The following POTEH variants were observed in gnomAD, a reference collection of about 807,000 sequenced individuals.
POTEH encodes the protein POTE ankyrin domain family member H, also known as ANKRD26-like family C member 3.
In POTEH, 6 loss-of-function variants were observed where a neutral mutation model predicts 41.7. The ratio of observed to expected loss-of-function variants is 0.14; its 90% confidence interval spans 0.08 to 0.28. The LOEUF is 0.28. Ranked by LOEUF, POTEH falls within the 10% of genes least tolerant of loss-of-function variation. POTEH has a pLI of 1.00. For missense variants in POTEH, 115 were observed against 533.5 expected, an observed-to-expected ratio of 0.22 and a Z score of 7.73; for synonymous variants, 38 against 179.9, an observed-to-expected ratio of 0.21 and a Z score of 6.31.
intron 1 of POTEH, among the ~76,000 whole-genome samples, chr22:15,691,551 C>CTCACTTTTTTTTTTTTT: frequency 7.5e-6 from 1 of 133,236 alleles, no homozygotes; most frequent in African/African-American, 2.6e-5. Flanking sequence ...AAAAAGTGAG[C>CTCACTTTTTTTTTTTTT]TTTTTCTATT....
intron 9 of POTEH, among the ~76,000 whole-genome samples, chr22:15,718,712 T>A (rs1470353507): frequency 6.6e-6 from 1 of 151,448 alleles, no homozygotes; most frequent in East Asian, 1.9e-4. Context: ...TTTGACTTCC[T>A]CTTTTCCAAT....
At chr22:15,692,032 G>T (rs1276540455) in intron 1 of POTEH, among the ~76,000 whole-genome samples, 1 of 133,278 alleles carries the variant, frequency 7.5e-6, no homozygotes, top group East Asian at 2.1e-4. Flanking sequence ...TTTTGATGGA[G>T]TCTCACTCTG....
chr22:15,712,910 G>A (rs2186500), intron 9 of POTEH, among the ~76,000 whole-genome samples: 79,459 of 144,664 alleles, frequency 0.55, 24,034 homozygotes, highest in East Asian at 0.76. Context: ...CAGCTTATGT[G>A]ATCTAGAAAT....
rs1300269054 is a variant in POTEH, at chr22:15,717,019, CT to C, written c.1521-2638del. Among the ~76,000 whole-genome samples, 4 of 56,968 alleles carry C rather than the reference CT, an allele frequency of 7.0e-5. 1 individual carries two copies. The highest frequency in any genetic ancestry group is 2.1e-4 in the African/African-American group (4 of 18,902). The allele number at this position is 56,968 out of a possible 152,430, so 37.4% of individuals were successfully genotyped here. A position where few individuals can be genotyped will look rare whatever the true frequency, so the allele number is the denominator to read the frequency against. ...GCATAACTGTGAATCAATTAATCCT[CT>C]TTCCTTTATGAATTATCCAGTCTCA... is the stretch of plus-strand genomic sequence containing the variant. On this transcript the variant is annotated intron_variant, in intron 9 of 10. Transcript: ENST00000343518.
chr22:15,706,577 CCTTGT>C (rs1462736024), intron 6 of POTEH, among the ~76,000 whole-genome samples: 2 of 148,970 alleles, frequency 1.3e-5, no homozygotes, highest in Admixed American at 1.4e-4. Flanking sequence ...TTATCAGTCA[CCTTGT>C]CTTAATGAAT....
chr22:15,721,082 CTTTA>C (rs1990012560), intron 10 of POTEH, among the ~76,000 whole-genome samples, 200 bp from the exon 11 acceptor site: 2 of 151,818 alleles, frequency 1.3e-5, no homozygotes, highest in African/African-American at 2.4e-5. Flanking sequence ...AAGTTTAAAT[CTTTA>C]TTTAAAGACT....
intron 9 of POTEH, among the ~76,000 whole-genome samples, chr22:15,711,656 CAG>C (rs1385370317): frequency 7.3e-5 from 11 of 151,676 alleles, no homozygotes; most frequent in African/African-American, 2.7e-4. Flanking sequence ...CACACACACA[CAG>C]ATATATAACG....
At chr22:15,708,513 C>CAAAAAA (rs1165699401) in intron 7 of POTEH, among the ~76,000 whole-genome samples, 2 of 7,240 alleles carry the variant, frequency 2.8e-4, no homozygotes, top group African/African-American at 1.8e-3. Context: ...GACTCTGTGT[C>CAAAAAA]AAAAAAAAAA....
rs796452459 is a variant in POTEH at position 15,691,948 on chromosome 22, A to G, written c.632+1239A>G. ...AAATATACAAAAAGAGAAACATACC[A>G]GAAGAAAACACAAGTGCCTATTTAC... On this transcript the variant is annotated intron_variant, in intron 1 of 10. Transcript: ENST00000343518. Among the ~76,000 whole-genome samples the G allele has an allele frequency of 8.2e-5, 12 of 146,444 alleles. No individual in the cohort carries two copies. The South Asian group carries it at 2.6e-3, about 32-fold the overall frequency.
At chr22:15,702,081 TAAAG>T (rs1224992721) in intron 5 of POTEH, among the ~76,000 whole-genome samples, 1 of 148,746 alleles carries the variant, frequency 6.7e-6, no homozygotes, top group Admixed American at 6.7e-5. Flanking sequence ...ATATAAGCCA[TAAAG>T]AGTAGGACAA....
intron 6 of POTEH, among the ~76,000 whole-genome samples, chr22:15,705,353 C>CTTTTTTTTTTTTTTTTTTTTTTGTTTTTT (rs1989644040): frequency 7.0e-5 from 1 of 14,298 alleles, no homozygotes; most frequent in Admixed American, 9.6e-4. Flanking sequence ...ATATGTTGGC[C>CTTTTTTTTTTTTTTTTTTTTTTGTTTTTT]TTTTTTTTTT....
chr22:15,708,513 CAAAAA>C (rs1165699401), intron 7 of POTEH, among the ~76,000 whole-genome samples: 552 of 6,306 alleles, frequency 0.088, 2 homozygotes, highest in Non-Finnish European at 0.11. Flanking sequence ...GACTCTGTGT[CAAAAA>C]AAAAAAAAAA....
chr22:15,690,322 C>A lies in POTEH; in HGVS notation c.245C>A (p.Thr82Asn), dbSNP rs1417271235. The change falls in exon 1 of 11, where the codon ACT becomes AAT. Residue 82 changes from threonine (T) to asparagine (N), a missense_variant. Transcript: ENST00000343518. ...GGGAGCGGCAAGAGCAACGTGGGCACTTCTGGAGACCACGACGATTCTGCT... is the reference window on the plus strand; with the variant it reads ...GGGAGCGGCAAGAGCAACGTGGGCAATTCTGGAGACCACGACGATTCTGCT... ...CRGSGKSNVG[T>N]SGDHDDSAMK... is the part of the protein sequence containing the mutation. 7.1e-7 allele frequency: 1 copy of A among 1,413,996 alleles called. No individual in the cohort carries two copies. Among genetic ancestry groups the A allele is most frequent in the Non-Finnish European group, 9.8e-7 (1 of 1,023,148 alleles). The allele number at this position is 1,413,996 out of a possible 1,614,324, so 87.6% of individuals were successfully genotyped here.
At chr22:15,691,483 G>A (rs1489416026) in intron 1 of POTEH, among the ~76,000 whole-genome samples, 5 of 114,462 alleles carry the variant, frequency 4.4e-5, no homozygotes, top group South Asian at 2.7e-4. Context: ...CCGAGATCAC[G>A]CCACTGTAGT....
intron 1 of POTEH, among the ~76,000 whole-genome samples, chr22:15,691,727 A>T (rs1249349714): frequency 7.5e-5 from 11 of 146,840 alleles, no homozygotes; most frequent in African/African-American, 2.7e-4. Flanking sequence ...CAAATTGTTT[A>T]CTAACAGCTG....
At chr22:15,717,661 T>G (rs1432591287) in intron 9 of POTEH, among the ~76,000 whole-genome samples, 2 of 120,512 alleles carry the variant, frequency 1.7e-5, no homozygotes, top group Non-Finnish European at 3.6e-5. Context: ...TTTTTTCCTG[T>G]TGATTTGTTT....
chr22:15,717,459 G>GT lies in POTEH; in HGVS notation c.1521-2192dup, dbSNP rs939838592. Among the ~76,000 whole-genome samples, 259 of 90,774 alleles carry GT rather than the reference G, an allele frequency of 2.9e-3. 84 individuals are homozygous for GT. Among genetic ancestry groups the GT allele is most frequent in the Non-Finnish European group, 4.0e-3 (163 of 41,004 alleles). 59.6% of individuals were successfully genotyped at this position (90,774 alleles called of 152,430 possible). A position where few individuals can be genotyped will look rare whatever the true frequency, so the allele number is the denominator to read the frequency against. ...TTTCACCACATCCACACCAACATCT[G>GT]TTTTTTTTTGTTTTCTAATAGTGGC... On this transcript the variant is annotated intron_variant, in intron 9 of 10. Transcript: ENST00000343518.
rs1281814075 is a variant in POTEH at position 15,690,248 on chromosome 22, C to G, written c.171C>G (p.Leu57=). 7.1e-7 allele frequency: 1 copy of G among 1,410,488 alleles called. No homozygotes were observed. Among genetic ancestry groups the G allele is most frequent in the Non-Finnish European group, 9.8e-7 (1 of 1,020,870 alleles). 87.4% of individuals were successfully genotyped at this position (1,410,488 alleles called of 1,614,324 possible). The change falls in exon 1 of 11, where the codon CTC becomes CTG. Residue 57 remains leucine (L), a synonymous_variant. Coordinates refer to ENST00000343518, the MANE Select transcript of POTEH (RefSeq NM_001136213.1). ...GDHDDSAMKT[L]RSKMGKWCCH... is the part of the protein sequence containing the mutation. ...ACGACGATTCTGCTATGAAGACACT[C>G]AGGAGCAAGATGGGCAAGTGGTGCT... is the stretch of plus-strand genomic sequence containing the variant.
chr22:15,697,502 TA>T (rs1989458088), intron 3 of POTEH: 1 of 123,786 alleles, frequency 8.1e-6, no homozygotes, highest in African/African-American at 7.7e-5. Context: ...TCTTTCTTTT[TA>T]TTTTTATTTT....
Sources: allele counts gnomAD v4.1 joint callset (sites outside exome capture counted in the v4.1 genomes callset), GRCh38; gene constraint gnomAD v4.1.1; transcripts MANE v1.5; gene names NCBI Gene and HGNC (gene_info 2026-07-23, HGNC 2026-07-21).